The following RBM17 variants were observed in gnomAD, a reference collection of about 807,000 sequenced individuals.
The protein encoded by RBM17 is splicing factor 45.
A neutral mutation model predicts 53.2 loss-of-function variants in RBM17; 7 were observed. That is an observed-to-expected ratio of 0.13 (90% CI 0.07 to 0.25). RBM17 has a LOEUF of 0.25. RBM17 is among the 10% of genes least tolerant of loss of function. The pLI, the probability that RBM17 is intolerant of heterozygous loss-of-function variation, is 1.00. For synonymous variants in RBM17, 167 were observed against 178.1 expected (o/e 0.94, Z 0.50); for missense variants, 257 against 496.7 (o/e 0.52, Z 4.59).
At chr10:6,102,097 C>A (rs556312345) in intron 3 of RBM17, among the ~76,000 whole-genome samples, 20 of 152,130 alleles carry the variant, frequency 1.3e-4, no homozygotes, top group Non-Finnish European at 2.4e-4. Flanking sequence ...TAAAATTATA[C>A]CCACAATTTA....
Position 6,101,199 on chromosome 10 carries a change from A to G in RBM17, c.124-72A>G, listed in dbSNP as rs1000994042. 109 of 926,658 alleles carry G rather than the reference A, an allele frequency of 1.2e-4. 1 individual carries two copies. The highest frequency in any genetic ancestry group is 2.8e-4 in the Middle Eastern group (1 of 3,518). The allele number at this position is 926,658 out of a possible 1,614,324, so 57.4% of individuals were successfully genotyped here. ...GGTTTGTTGCAGGGACCAGAAAGAA[A>G]ATCTTTGTTGCAAACAGTGTGAATT... On this transcript the variant is annotated intron_variant, in intron 2 of 11. Coordinates refer to ENST00000379888, the MANE Select transcript of RBM17 (RefSeq NM_032905.5).
intron 5 of RBM17, among the ~76,000 whole-genome samples, chr10:6,106,941 T>A (rs543501226): frequency 7.7e-4 from 118 of 152,348 alleles, no homozygotes; most frequent in African/African-American, 2.7e-3. Context: ...TTTCCAGTAA[T>A]CACCCTGAAT....
Position 6,115,771 on chromosome 10 carries a change from T to C in RBM17, c.*215T>C. ...AAAAACAACAATCTGTGTGCCTCTC[T>C]GGTTGTTTCTCTTTTTTATTATTAC... On this transcript the variant is annotated 3_prime_UTR_variant, in exon 12 of 12. Coordinates refer to ENST00000379888, the MANE Select transcript of RBM17 (RefSeq NM_032905.5). 1 of 385,830 alleles carries C rather than the reference T, an allele frequency of 2.6e-6. No individual in the cohort carries two copies. The highest frequency in any genetic ancestry group is 4.6e-6 in the Non-Finnish European group (1 of 218,082). The allele number at this position is 385,830 out of a possible 1,614,324, so 23.9% of individuals were successfully genotyped here. A position where few individuals can be genotyped will look rare whatever the true frequency, so the allele number is the denominator to read the frequency against.
At chr10:6,108,792 C>A in intron 6 of RBM17, 50 bp downstream of exon 6, 2 of 1,434,134 alleles carry the variant, frequency 1.4e-6, no homozygotes, top group Non-Finnish European at 2.0e-6. Flanking sequence ...GTCTTTAACC[C>A]AACCATGGGG....
intron 7 of RBM17, among the ~76,000 whole-genome samples, chr10:6,111,690 C>G (rs538886595): frequency 2.1e-4 from 32 of 152,320 alleles, no homozygotes; most frequent in South Asian, 8.3e-4. Flanking sequence ...AAGTCCACCC[C>G]TTAAGCTAGT....
rs1840613398 is a variant in RBM17 at position 6,098,556 on chromosome 10, G to GGT, written c.123+1368_123+1369insGT. ...GTTTGAAAATTTCCGTAATACACAGGTTTTTTGTTTTTTTTTTTTTTTTTT... is the reference window on the plus strand; with the variant it reads ...GTTTGAAAATTTCCGTAATACACAGGGTTTTTTTGTTTTTTTTTTTTTTTTTT... On this transcript the variant is annotated intron_variant, in intron 2 of 11. Coordinates refer to ENST00000379888, the MANE Select transcript of RBM17 (RefSeq NM_032905.5). Among the ~76,000 whole-genome samples, 164 of 87,972 alleles carry GGT rather than the reference G, an allele frequency of 1.9e-3. 3 individuals are homozygous for GGT. In the South Asian group the frequency reaches 0.023, roughly 12 times the overall value. The allele number at this position is 87,972 out of a possible 152,430, so 57.7% of individuals were successfully genotyped here.
intron 2 of RBM17, among the ~76,000 whole-genome samples, chr10:6,100,574 A>G (rs752205768): frequency 8.5e-5 from 13 of 152,164 alleles, no homozygotes; most frequent in Non-Finnish European, 1.3e-4. Context: ...GGAGATGAAG[A>G]TGATGGTGAT....
intron 2 of RBM17, among the ~76,000 whole-genome samples, chr10:6,098,563 G>GTGTTTTTTTTTTTTTTTTTTT (rs1554834988): frequency 2.1e-5 from 1 of 46,642 alleles, no homozygotes; most frequent in Non-Finnish European, 4.4e-5. Flanking sequence ...CAGGTTTTTT[G>GTGTTTTTTTTTTTTTTTTTTT]TTTTTTTTTT....
intron 1 of RBM17, among the ~76,000 whole-genome samples, chr10:6,090,256 A>G (rs1840463023): frequency 6.6e-6 from 1 of 152,240 alleles, no homozygotes; most frequent in African/African-American, 2.4e-5. Flanking sequence ...ATATACTCAA[A>G]TAGATGGGTA....
chr10:6,113,230 C>T (rs1046841794), intron 8 of RBM17: 26 of 299,594 alleles, frequency 8.7e-5, no homozygotes, highest in African/African-American at 3.3e-4. Flanking sequence ...GCCCTGTCAG[C>T]CCTTTGGGAA....
In RBM17 at chr10:6,117,175, A is replaced by G. The variant is rs1276500946; in HGVS notation, c.*1619A>G. The G allele has an allele frequency of 6.6e-6, 1 of 152,360 alleles. No homozygotes were observed. Among genetic ancestry groups the G allele is most frequent in the Non-Finnish European group, 1.5e-5 (1 of 68,044 alleles). The allele number at this position is 152,360 out of a possible 1,614,324, so 9.4% of individuals were successfully genotyped here. On this transcript the variant is annotated 3_prime_UTR_variant, in exon 12 of 12. Coordinates refer to ENST00000379888, the MANE Select transcript of RBM17 (RefSeq NM_032905.5). ...GGCTTTTCCTAACATTCTCATGGTC[A>G]GCAACCAGAGAGTTGCAACCAACTC...
intron 1 of RBM17, among the ~76,000 whole-genome samples, chr10:6,091,350 G>A (rs140284196): frequency 2.7e-4 from 41 of 151,810 alleles, no homozygotes; most frequent in African/African-American, 8.2e-4. Context: ...TGAGCCACTG[G>A]GCCCGGTCTT....
rs570926361 is a variant in RBM17 at position 6,109,753 on chromosome 10, G to A, written c.563-233G>A. ...CATTTCAGTAAGATATAAAAAAGAC[G>A]TTTGAGGAGATAGAAATAGCAAAAG... On this transcript the variant is annotated intron_variant, in intron 6 of 11. Transcript: ENST00000379888. Among the ~76,000 whole-genome samples, 3 of 152,284 alleles carry A rather than the reference G, an allele frequency of 2.0e-5. No individual in the cohort carries two copies. In the South Asian group the frequency reaches 6.2e-4, roughly 32 times the overall value.
At chr10:6,104,289 C>T (rs900679269) in intron 3 of RBM17, among the ~76,000 whole-genome samples, 2 of 152,056 alleles carry the variant, frequency 1.3e-5, no homozygotes, top group Admixed American at 6.6e-5. Context: ...AATGTATAGA[C>T]GAGAAAACAC....
chr10:6,114,683 G>A (rs920687882), intron 10 of RBM17: 4 of 157,058 alleles, frequency 2.5e-5, no homozygotes, highest in Non-Finnish European at 4.2e-5. Flanking sequence ...TATGGGCTGC[G>A]CTTTGAAACG....
intron 1 of RBM17, among the ~76,000 whole-genome samples, chr10:6,091,536 G>A (rs1165928901): frequency 1.3e-5 from 2 of 152,102 alleles, no homozygotes; most frequent in African/African-American, 2.4e-5. Context: ...ATTATGGTTT[G>A]CAATTTAAAT....
chr10:6,102,530 A>C (rs888270505), intron 3 of RBM17, among the ~76,000 whole-genome samples: 1 of 152,184 alleles, frequency 6.6e-6, no homozygotes, highest in African/African-American at 2.4e-5. Flanking sequence ...ATTTTCCCCC[A>C]TAAATTTGAT....
chr10:6,100,552 A>G (rs1840655388), intron 2 of RBM17, among the ~76,000 whole-genome samples: 1 of 152,192 alleles, frequency 6.6e-6, no homozygotes, highest in African/African-American at 2.4e-5. Context: ...TGTCAGAGGA[A>G]AAAAAGGAAG....
chr10:6,115,566 C>T lies in RBM17; in HGVS notation c.*10C>T, dbSNP rs766799906. 6.6e-7 allele frequency: 1 copy of T among 1,520,324 alleles called. No individual in the cohort carries two copies. The highest frequency in any genetic ancestry group is 1.1e-5 in the South Asian group (1 of 89,184). 94.2% of individuals were successfully genotyped at this position (1,520,324 alleles called of 1,614,324 possible). ...GGCAGAACAAGTTTGATTTTAAGAA[C>T]TAGAGCACGAGTCATCTCCGGTGAT... On this transcript the variant is annotated 3_prime_UTR_variant, in exon 12 of 12. Transcript: ENST00000379888.
Sources: gnomAD v4.1 joint callset for allele counts (sites outside exome capture counted in the v4.1 genomes callset) on GRCh38, gnomAD v4.1.1 for gene constraint, MANE v1.5 for transcripts, NCBI Gene and HGNC (gene_info 2026-07-23, HGNC 2026-07-21) for gene names.